KLRF1: variants seen among roughly 807,000 people sequenced by gnomAD.
KLRF1 encodes killer cell lectin like receptor F1, also known as killer cell lectin-like receptor subfamily F member 1.
In KLRF1, 27 loss-of-function variants were observed where a neutral mutation model predicts 30.7. The observed-to-expected ratio is 0.88, with a 90% CI of 0.65 to 1.21. The LOEUF (loss-of-function observed/expected upper bound fraction) is 1.21. KLRF1 is among the 50% of genes most tolerant of loss of function. The pLI is 0.00. For missense variants in KLRF1, 246 were observed against 259.3 expected (o/e 0.95, Z 0.35); for synonymous variants, 92 against 89.3 (o/e 1.03, Z -0.17).
the KLRF1 span, among the ~76,000 whole-genome samples, chr12:9,821,247 C>T: frequency 6.6e-6 from 1 of 152,046 alleles, no homozygotes; most frequent in African/African-American, 2.4e-5. Context: ...TGCCCCACCC[C>T]CATGGCTGAA....
At chr12:9,822,499 T>C (rs78199650), upstream of KLRF1, among the ~76,000 whole-genome samples, 1,852 of 152,186 alleles carry the variant, frequency 0.012, 25 homozygotes, top group African/African-American at 0.043. Context: ...TTGAGAAATA[T>C]AGGATTATGT....
the KLRF1 span, among the ~76,000 whole-genome samples, chr12:9,814,804 A>G: frequency 7.1e-6 from 1 of 141,052 alleles, no homozygotes; most frequent in African/African-American, 2.5e-5. Context: ...GGTTATTGTA[A>G]TGGAGGTAAA....
chr12:9,808,895 T>G, the KLRF1 span, among the ~76,000 whole-genome samples: 2 of 152,158 alleles, frequency 1.3e-5, no homozygotes. Context: ...AATATCTACA[T>G]GAAAGCAGTG....
the KLRF1 span, among the ~76,000 whole-genome samples, chr12:9,802,969 T>G: frequency 1.3e-5 from 2 of 152,204 alleles, no homozygotes; most frequent in East Asian, 3.9e-4. Flanking sequence ...ACTTTAAATT[T>G]TATATGGAAC....
chr12:9,815,904 C>T, the KLRF1 span, among the ~76,000 whole-genome samples: 5 of 152,278 alleles, frequency 3.3e-5, no homozygotes, highest in South Asian at 4.1e-4. Context: ...CTGAAACCTC[C>T]GCCTCCTGGA....
At chr12:9,802,506 G>C in the KLRF1 span, among the ~76,000 whole-genome samples, 4 of 152,094 alleles carry the variant, frequency 2.6e-5, no homozygotes, top group South Asian at 6.2e-4. Flanking sequence ...GCAAGAGAAA[G>C]AAATAAAGGA....
the KLRF1 span, among the ~76,000 whole-genome samples, chr12:9,804,395 AC>A: frequency 6.6e-6 from 1 of 151,798 alleles, no homozygotes; most frequent in Non-Finnish European, 1.5e-5. Flanking sequence ...TTATCCTTTC[AC>A]TTTTTTGATA....
chr12:9,816,934 C>T, the KLRF1 span, among the ~76,000 whole-genome samples: 3 of 151,814 alleles, frequency 2.0e-5, no homozygotes, highest in African/African-American at 7.3e-5. Flanking sequence ...GGGGTTTCAC[C>T]GTGTTAGCCA....
the KLRF1 span, among the ~76,000 whole-genome samples, chr12:9,806,336 T>A: frequency 6.6e-6 from 1 of 152,134 alleles, no homozygotes; most frequent in African/African-American, 2.4e-5. Context: ...TATTTGTAAA[T>A]GTCAAAAATT....
At chr12:9,809,432 A>T in the KLRF1 span, among the ~76,000 whole-genome samples, 1 of 152,264 alleles carries the variant, frequency 6.6e-6, no homozygotes, top group East Asian at 1.9e-4. Flanking sequence ...CCTACTTTTA[A>T]GAGTACAGAT....
At chr12:9,842,769 A>AT (rs746014401) in intron 5 of KLRF1, among the ~76,000 whole-genome samples, 11 of 152,096 alleles carry the variant, frequency 7.2e-5, no homozygotes, top group Non-Finnish European at 1.3e-4. Context: ...GTGTTATGTG[A>AT]TTATCATAGT....
rs765136114 is a variant in KLRF1, at chr12:9,841,846, G to A, written c.369G>A (p.Gly123=). 5 of 1,608,486 alleles carry A rather than the reference G, an allele frequency of 3.1e-6. No homozygotes were observed. Among genetic ancestry groups the A allele is most frequent in the African/African-American group, 1.3e-5 (1 of 74,804 alleles). Residue 123 remains glycine (G), a synonymous_variant, in exon 4 of 6, where the codon GGG becomes GGA. Transcript: ENST00000617889. ...AATCAGAATGGCTCAAATACCAAGG[G>A]AAGTGTTATTGGTTCTCTAATGAGA... ...LCQSEWLKYQ[G]KCYWFSNEMK... is the part of the protein sequence containing the mutation.
chr12:9,819,759 C>T, the KLRF1 span, among the ~76,000 whole-genome samples: 1 of 152,236 alleles, frequency 6.6e-6, no homozygotes, highest in Non-Finnish European at 1.5e-5. Flanking sequence ...CTGGAGTGGT[C>T]CCCTGGCAGA....
chr12:9,819,805 T>A, the KLRF1 span, among the ~76,000 whole-genome samples: 2 of 152,126 alleles, frequency 1.3e-5, no homozygotes. Context: ...CCAGATTGCC[T>A]TTCCATGTGA....
chr12:9,820,805 GGCTGGGGAAAGAA>G, the KLRF1 span, among the ~76,000 whole-genome samples: 4 of 152,122 alleles, frequency 2.6e-5, no homozygotes, highest in Admixed American at 2.6e-4. Flanking sequence ...ATGGCCGTTG[GGCTGGGGAAAGAA>G]CAAAGGGCCT....
intron 1 of KLRF1, among the ~76,000 whole-genome samples, chr12:9,829,601 G>A (rs1867365286): frequency 6.6e-6 from 1 of 151,986 alleles, no homozygotes. Context: ...AAACAATAGA[G>A]ATAAAAAAAT....
At chr12:9,813,132 T>TA in the KLRF1 span, among the ~76,000 whole-genome samples, 2 of 151,784 alleles carry the variant, frequency 1.3e-5, no homozygotes, top group African/African-American at 4.8e-5. Flanking sequence ...TCTTTTTATT[T>TA]TTTTATTTTT....
upstream of KLRF1, among the ~76,000 whole-genome samples, chr12:9,824,386 T>C (rs1867258131): frequency 1.3e-5 from 2 of 152,160 alleles, no homozygotes; most frequent in Admixed American, 6.6e-5. Flanking sequence ...ATTATTTCAA[T>C]AGAAACAGTA....
chr12:9,833,880 C>G (rs962076644), intron 3 of KLRF1, among the ~76,000 whole-genome samples: 2 of 139,174 alleles, frequency 1.4e-5, no homozygotes, highest in Non-Finnish European at 3.1e-5. Context: ...AAAACATTAC[C>G]TTCTATTTTT....
Sources: gnomAD v4.1 joint callset for allele counts (sites outside exome capture counted in the v4.1 genomes callset) on GRCh38, gnomAD v4.1.1 for gene constraint, MANE v1.5 for transcripts, NCBI Gene and HGNC (gene_info 2026-07-23, HGNC 2026-07-21) for gene names.